Variants in RNF24 observed in about 807,000 individuals in gnomAD.
RNF24 encodes ring finger protein 24.
In RNF24, 14 loss-of-function variants were observed where a neutral mutation model predicts 20.0. The observed-to-expected ratio is 0.70, with a 90% CI of 0.46 to 1.10. RNF24 has a LOEUF of 1.10. RNF24 is among the 50% of genes least tolerant of loss of function. RNF24 has a pLI of 0.00. For synonymous variants in RNF24, 45 were observed against 61.1 expected, an observed-to-expected ratio of 0.74 and a Z score of 1.23; for missense variants, 124 against 177.6, an observed-to-expected ratio of 0.70 and a Z score of 1.71.
At chr20:3,960,866 T>C (rs1264646375) in intron 2 of RNF24, among the ~76,000 whole-genome samples, 1 of 152,064 alleles carries the variant, frequency 6.6e-6, no homozygotes, top group East Asian at 1.9e-4. Context: ...CAATCTTGGC[T>C]CAATGCAACC....
chr20:3,964,252 CA>C (rs1304432835), intron 1 of RNF24, among the ~76,000 whole-genome samples: 1 of 152,114 alleles, frequency 6.6e-6, no homozygotes, highest in Non-Finnish European at 1.5e-5. Context: ...AAAAGCTTTG[CA>C]AGTTGCATTT....
At chr20:4,008,464 ATAATATG>A (rs1239305826) in intron 1 of RNF24, among the ~76,000 whole-genome samples, 1 of 102,726 alleles carries the variant, frequency 9.7e-6, no homozygotes, top group African/African-American at 3.6e-5. Context: ...TATATAATAT[ATAATATG>A]TATAATATAT....
chr20:3,940,014 A>G (rs1012164131), intron 4 of RNF24, among the ~76,000 whole-genome samples: 6 of 152,026 alleles, frequency 3.9e-5, no homozygotes, highest in African/African-American at 1.4e-4. Flanking sequence ...ACTGGAGTAC[A>G]ATGGTGTGAT....
At chr20:3,952,105 G>T in intron 2 of RNF24, among the ~76,000 whole-genome samples, 1 of 151,058 alleles carries the variant, frequency 6.6e-6, no homozygotes, top group African/African-American at 2.4e-5. Flanking sequence ...GACTGGCTTG[G>T]TTATTCTTGG....
At chr20:3,946,380 G>C (rs1311486381) in intron 3 of RNF24, among the ~76,000 whole-genome samples, 1 of 152,134 alleles carries the variant, frequency 6.6e-6, no homozygotes, top group Non-Finnish European at 1.5e-5. Context: ...CCTGAGCCCA[G>C]GAGGCAGAGG....
chr20:3,954,047 T>G (rs1323426143), intron 2 of RNF24, among the ~76,000 whole-genome samples: 1 of 152,132 alleles, frequency 6.6e-6, no homozygotes, highest in Non-Finnish European at 1.5e-5. Flanking sequence ...TGAGCCACCA[T>G]GCCCGGCCCC....
chr20:3,987,319 G>A (rs1415328040), intron 1 of RNF24, among the ~76,000 whole-genome samples: 2 of 152,044 alleles, frequency 1.3e-5, no homozygotes, highest in East Asian at 1.9e-4. Flanking sequence ...AGCAATGAGC[G>A]GTTCCCATCT....
chr20:3,966,581 G>A (rs1218433172), intron 1 of RNF24, among the ~76,000 whole-genome samples: 1 of 151,206 alleles, frequency 6.6e-6, no homozygotes, highest in Admixed American at 6.6e-5. Context: ...TCATGTCTCT[G>A]GAGAGGATTC....
chr20:3,957,889 A>T (rs886180006), intron 2 of RNF24, among the ~76,000 whole-genome samples: 1 of 152,190 alleles, frequency 6.6e-6, no homozygotes, highest in Admixed American at 6.5e-5. Context: ...GGCCACTGCA[A>T]ATTTGTGGTC....
At chr20:3,939,291 C>A (rs539745490) in intron 4 of RNF24, among the ~76,000 whole-genome samples, 1 of 152,250 alleles carries the variant, frequency 6.6e-6, no homozygotes, top group Non-Finnish European at 1.5e-5. Flanking sequence ...TGGCACTGGG[C>A]TCACCTATGT....
intron 1 of RNF24, among the ~76,000 whole-genome samples, chr20:3,982,703 A>G (rs541179418): frequency 6.6e-6 from 1 of 152,208 alleles, no homozygotes; most frequent in African/African-American, 2.4e-5. Context: ...CCTGGGCAAC[A>G]TAGGGAGACC....
chr20:4,002,023 C>T (rs1981439132), intron 1 of RNF24, among the ~76,000 whole-genome samples: 1 of 151,682 alleles, frequency 6.6e-6, no homozygotes, highest in African/African-American at 2.4e-5. Flanking sequence ...GAGGCCGAGG[C>T]AGGCAGATCA....
chr20:3,933,688 T>A lies in RNF24; in HGVS notation c.*375A>T. Reference sequence around the variant, plus strand: ...CCTGCATGGCCTACAGAGAAACCCATCCATCCGCAGGTGGGGGTGTGGCTT... The same window carrying A: ...CCTGCATGGCCTACAGAGAAACCCAACCATCCGCAGGTGGGGGTGTGGCTT... On this transcript the variant is annotated 3_prime_UTR_variant, in exon 6 of 6. Coordinates refer to ENST00000358395, the MANE Select transcript of RNF24 (RefSeq NM_001134337.3). 1 of 175,202 alleles carries A rather than the reference T, an allele frequency of 5.7e-6. No individual in the cohort carries two copies. The allele number at this position is 175,202 out of a possible 1,614,324, so 10.9% of individuals were successfully genotyped here. A position where few individuals can be genotyped will look rare whatever the true frequency, so the allele number is the denominator to read the frequency against.
intron 2 of RNF24, among the ~76,000 whole-genome samples, chr20:3,963,536 G>A (rs1299808088): frequency 6.6e-6 from 1 of 152,226 alleles, no homozygotes; most frequent in African/African-American, 2.4e-5. Flanking sequence ...TAACAAGGAA[G>A]CCACACCTTG....
intron 2 of RNF24, among the ~76,000 whole-genome samples, chr20:3,961,693 C>A (rs1214418597): frequency 2.0e-5 from 3 of 151,028 alleles, no homozygotes; most frequent in Non-Finnish European, 3.0e-5. Context: ...ATAACATTTT[C>A]TTTTTTTTAC....
intron 1 of RNF24, among the ~76,000 whole-genome samples, chr20:3,998,805 G>C (rs1981139278): frequency 6.6e-6 from 1 of 151,328 alleles, no homozygotes; most frequent in African/African-American, 2.4e-5. Context: ...ACGTGACTGG[G>C]TGTGGTGGCT....
intron 1 of RNF24, among the ~76,000 whole-genome samples, chr20:4,014,215 G>T (rs1226472757): frequency 1.3e-5 from 2 of 152,162 alleles, no homozygotes; most frequent in Non-Finnish European, 2.9e-5. Flanking sequence ...AAGCAAGGGC[G>T]CATGCCAGGG....
chr20:4,006,076 T>C (rs2300213), intron 1 of RNF24, among the ~76,000 whole-genome samples: 112,952 of 152,108 alleles, frequency 0.74, 42,194 homozygotes, highest in South Asian at 0.81. Context: ...ATTAACCTTC[T>C]ATAGAATCTA....
chr20:3,949,252 T>A (rs574492804), intron 2 of RNF24, among the ~76,000 whole-genome samples: 7 of 152,284 alleles, frequency 4.6e-5, no homozygotes, highest in Non-Finnish European at 7.4e-5. Flanking sequence ...TAGTGGCACA[T>A]GCCTGTAATC....
Sources: gnomAD v4.1 joint callset for allele counts (sites outside exome capture counted in the v4.1 genomes callset) on GRCh38, gnomAD v4.1.1 for gene constraint, MANE v1.5 for transcripts, NCBI Gene and HGNC (gene_info 2026-07-23, HGNC 2026-07-21) for gene names.